The following BMX variants were observed in gnomAD, a reference collection of about 807,000 sequenced individuals.
BMX encodes cytoplasmic tyrosine-protein kinase BMX.
Under a neutral mutation model 59.2 loss-of-function variants are expected in BMX, and 31 were observed. The ratio of observed to expected loss-of-function variants is 0.52; its 90% confidence interval spans 0.39 to 0.71. The LOEUF (loss-of-function observed/expected upper bound fraction) is 0.71, where lower values mean the gene tolerates loss of function less well. BMX is among the 30% of genes least tolerant of loss of function. The pLI is 0.00. For missense variants in BMX, 474 were observed against 491.7 expected, an observed-to-expected ratio of 0.96 and a Z score of 0.34; for synonymous variants, 185 against 181.0, an observed-to-expected ratio of 1.02 and a Z score of -0.18.
At chrX:15,522,900 T>A (rs767501409) in intron 7 of BMX, among the ~76,000 whole-genome samples, 12 of 112,315 alleles carry the variant, frequency 1.1e-4, no homozygotes, top group African/African-American at 1.9e-4. Flanking sequence ...ATCCTTTATA[T>A]GAAAGAGCTT....
At chrX:15,509,193 G>T in intron 2 of BMX, 136 bp from the exon 3 acceptor site, 1 of 308,859 alleles carries the variant, frequency 3.2e-6, no homozygotes, top group South Asian at 4.7e-5. Flanking sequence ...TGACTATTAC[G>T]GGGTAATAGG....
At chrX:15,551,014 C>T (rs1259963902) in intron 18 of BMX, among the ~76,000 whole-genome samples, 1 of 110,937 alleles carries the variant, frequency 9.0e-6, no homozygotes, top group Non-Finnish European at 1.9e-5. Context: ...GAGCATGGCA[C>T]GCTAGGCTGG....
At chrX:15,534,002 A>G (rs1925209506) in intron 11 of BMX, among the ~76,000 whole-genome samples, 1 of 111,686 alleles carries the variant, frequency 9.0e-6, no homozygotes. Context: ...CAAAAGATAC[A>G]TTGAGTTCAG....
chrX:15,554,451 A>G (rs1926334029), intron 18 of BMX, among the ~76,000 whole-genome samples: 1 of 111,449 alleles, frequency 9.0e-6, no homozygotes, highest in Non-Finnish European at 1.9e-5. Context: ...CAGGTTTTAA[A>G]GATCTCTTTA....
intron 9 of BMX, among the ~76,000 whole-genome samples, chrX:15,529,258 C>T (rs767834468): frequency 8.9e-6 from 1 of 111,863 alleles, no homozygotes; most frequent in Non-Finnish European, 1.9e-5. Flanking sequence ...AATCACTTCC[C>T]ATCCATTCCT....
intron 14 of BMX, among the ~76,000 whole-genome samples, chrX:15,540,205 G>C (rs981628539): frequency 8.9e-6 from 1 of 111,837 alleles, no homozygotes; most frequent in Non-Finnish European, 1.9e-5. Context: ...TGTTAGACTG[G>C]ATAAAGAAAA....
chrX:15,509,372 G>C lies in BMX; in HGVS notation c.182G>C (p.Arg61Thr). Residue 61 changes from arginine to threonine, a missense_variant, in exon 3 of 19, where the codon AGA becomes ACA. Physicochemically the swap from Arg to Thr is moderately conservative, Grantham distance 71. Coordinates refer to ENST00000348343, the MANE Select transcript of BMX (RefSeq NM_203281.3). ...GGATCCATTGAAATTAAGAAAATCA[G>C]ATGTGTGGAGAAAGTAAATCTCGAG... ...RKGSIEIKKI[R>T]CVEKVNLEEQ... The C allele has an allele frequency of 8.3e-7, 1 of 1,208,772 alleles. No homozygotes were observed. Among genetic ancestry groups the C allele is most frequent in the Non-Finnish European group, 1.1e-6 (1 of 894,028 alleles).
chrX:15,542,009 A>G lies in BMX; in HGVS notation c.1422A>G (p.Lys474=), dbSNP rs933943259. The part of the protein sequence containing the change: ...MMKLSHPKLV[K]FYGVCSKEYP... ...AACTCAGCCATCCCAAGCTGGTTAA[A>G]TTCTATGGAGTGTGTTCAAAGGAAT... The change falls in exon 15 of 19, where the codon AAA becomes AAG. Residue 474 remains lysine, a synonymous_variant. Coordinates refer to ENST00000348343, the MANE Select transcript of BMX (RefSeq NM_203281.3). 7 of 1,208,746 alleles carry G rather than the reference A, an allele frequency of 5.8e-6. No individual in the cohort carries two copies. The South Asian group carries it at 7.0e-5, about 12-fold the overall frequency.
intron 17 of BMX, among the ~76,000 whole-genome samples, chrX:15,547,603 T>G (rs892479381): frequency 2.7e-5 from 3 of 112,253 alleles, no homozygotes; most frequent in African/African-American, 9.7e-5. Flanking sequence ...TTCATTTATG[T>G]ATTATCTATG....
intron 11 of BMX, among the ~76,000 whole-genome samples, chrX:15,533,865 A>C (rs775956092): frequency 1.8e-5 from 2 of 111,398 alleles, no homozygotes; most frequent in Admixed American, 1.9e-4. Flanking sequence ...TATGTTCAGA[A>C]TAATGATCCT....
rs1238266913 is a variant in BMX, at chrX:15,522,518, C to T, written c.683C>T (p.Pro228Leu). 1.7e-6 allele frequency: 2 copies of T among 1,210,746 alleles called. No individual in the cohort carries two copies. Among genetic ancestry groups the T allele is most frequent in the African/African-American group, 3.5e-5 (2 of 57,454 alleles). Residue 228 changes from proline (P) to leucine (L), a missense_variant, in exon 7 of 19, where the codon CCA (proline) becomes CTA (leucine). Coordinates refer to ENST00000348343, the MANE Select transcript of BMX (RefSeq NM_203281.3). ...SNSKKIYGSQ[P>L]NFNMQYIPRE... Reference sequence around the variant, plus strand: ...TCAAAGAAAATCTATGGCTCCCAGCCAAACTTCAACATGCAGTATATTCCA... The same window carrying T: ...TCAAAGAAAATCTATGGCTCCCAGCTAAACTTCAACATGCAGTATATTCCA...
intron 1 of BMX, among the ~76,000 whole-genome samples, chrX:15,507,155 G>GA (rs1352889852): frequency 4.4e-5 from 5 of 112,877 alleles, no homozygotes; most frequent in Non-Finnish European, 9.4e-5. Flanking sequence ...ATACTCCCAG[G>GA]CCAGTGAGAA....
chrX:15,523,419 C>T (rs1201536961), intron 7 of BMX, among the ~76,000 whole-genome samples: 1 of 112,331 alleles, frequency 8.9e-6, no homozygotes, highest in Non-Finnish European at 1.9e-5. Context: ...TTTCCATCTT[C>T]ATCATTTTTG....
intron 9 of BMX, among the ~76,000 whole-genome samples, chrX:15,527,129 T>C (rs1357487348): frequency 3.2e-5 from 3 of 92,708 alleles, no homozygotes; most frequent in African/African-American, 1.2e-4. Context: ...TATATATACC[T>C]GCTATGGTGA....
chrX:15,508,171 C>A (rs1187483576), intron 1 of BMX, among the ~76,000 whole-genome samples, 174 bp from the exon 2 acceptor site: 2 of 111,852 alleles, frequency 1.8e-5, no homozygotes, highest in African/African-American at 6.5e-5. Context: ...GCAAAGGCAG[C>A]AGAAAAACTG....
chrX:15,517,579 G>A (rs1002725395), intron 5 of BMX, among the ~76,000 whole-genome samples: 3 of 112,475 alleles, frequency 2.7e-5, no homozygotes, highest in African/African-American at 9.7e-5. Context: ...TGCAGCTCCT[G>A]AGCAGCTGTA....
At chrX:15,546,102 A>C (rs190347363) in intron 16 of BMX, among the ~76,000 whole-genome samples, 1 of 112,276 alleles carries the variant, frequency 8.9e-6, no homozygotes, top group East Asian at 2.8e-4. Flanking sequence ...AGTGTGCCAT[A>C]ATATATTTAA....
chrX:15,517,565 G>A (rs1924219856), intron 5 of BMX, among the ~76,000 whole-genome samples: 1 of 112,460 alleles, frequency 8.9e-6, no homozygotes, highest in African/African-American at 3.2e-5. Flanking sequence ...GAGTGTAGAG[G>A]TGTTGCAGCT....
At chrX:15,532,917 T>A (rs911957914) in intron 11 of BMX, among the ~76,000 whole-genome samples, 2 of 112,793 alleles carry the variant, frequency 1.8e-5, no homozygotes, top group Non-Finnish European at 3.7e-5. Flanking sequence ...CTTCTGGCCC[T>A]GCAGTTTCAG....
Sources: allele counts gnomAD v4.1 joint callset (sites outside exome capture counted in the v4.1 genomes callset), GRCh38; gene constraint gnomAD v4.1.1; transcripts MANE v1.5; gene names NCBI Gene and HGNC (gene_info 2026-07-23, HGNC 2026-07-21).